ALG13: variants seen among roughly 807,000 people sequenced by gnomAD.
The protein encoded by ALG13 is UDP-N-acetylglucosamine transferase subunit ALG13.
ALG13 carries 11 observed loss-of-function variants against 87.8 expected under a neutral mutation model. The ratio of observed to expected loss-of-function variants is 0.13; its 90% confidence interval spans 0.08 to 0.21. ALG13 has a LOEUF of 0.21. Ranked by LOEUF, ALG13 falls within the 10% of genes least tolerant of loss-of-function variation. The pLI, the probability that ALG13 is intolerant of heterozygous loss-of-function variation, is 1.00. For synonymous variants in ALG13, 320 were observed against 306.3 expected (o/e 1.04, Z -0.47); for missense variants, 756 against 866.1 (o/e 0.87, Z 1.60).
At chrX:111,710,599 C>G (rs188349390) in intron 5 of ALG13, among the ~76,000 whole-genome samples, 155 of 111,883 alleles carry the variant, frequency 1.4e-3, no homozygotes, top group African/African-American at 4.7e-3. Flanking sequence ...AGGGTACTTA[C>G]GGAAGTGATA....
intron 3 of ALG13, among the ~76,000 whole-genome samples, chrX:111,694,517 A>T (rs917149274): frequency 1.1e-4 from 12 of 112,238 alleles, no homozygotes; most frequent in African/African-American, 3.9e-4. Context: ...ACTAAATGGA[A>T]TTTTTTATTT....
chrX:111,756,362 TAACA>T (rs779702967), intron 25 of ALG13, among the ~76,000 whole-genome samples: 8 of 111,772 alleles, frequency 7.2e-5, no homozygotes, highest in Non-Finnish European at 1.3e-4. Flanking sequence ...TATACCCATG[TAACA>T]AACCTGCATG....
chrX:111,759,948 C>T lies in ALG13; in HGVS notation c.3363C>T (p.Gly1121=). 1 of 1,210,743 alleles carries T rather than the reference C, an allele frequency of 8.3e-7. No homozygotes were observed. The highest frequency in any genetic ancestry group is 1.7e-5 in the African/African-American group (1 of 57,725). The part of the protein sequence containing the change: ...IHGAINPGPI[G]CIAPSPPASH... Reference sequence around the variant, plus strand: ...GTGCTATAAATCCTGGGCCAATTGGCTGTATTGCTCCATCTCCCCCAGCTT... The same window carrying T: ...GTGCTATAAATCCTGGGCCAATTGGTTGTATTGCTCCATCTCCCCCAGCTT... Residue 1121 remains glycine (G), a synonymous_variant, in exon 27 of 27, where the codon GGC becomes GGT. Transcript: ENST00000394780.
intron 22 of ALG13, 31 bp from the exon 23 acceptor site, chrX:111,736,683 A>T: frequency 8.4e-7 from 1 of 1,186,934 alleles, no homozygotes; most frequent in Non-Finnish European, 1.1e-6. Flanking sequence ...AACCAAACTT[A>T]AGAGTTTTGA....
chrX:111,707,780 G>A (rs186720332), intron 3 of ALG13, among the ~76,000 whole-genome samples: 17 of 111,670 alleles, frequency 1.5e-4, no homozygotes, highest in African/African-American at 3.6e-4. Flanking sequence ...GAGCCTTATT[G>A]TAGTCCCTTT....
At chrX:111,746,513 C>A (rs752763018) in intron 24 of ALG13, among the ~76,000 whole-genome samples, 1 of 112,075 alleles carries the variant, frequency 8.9e-6, no homozygotes, top group South Asian at 3.7e-4. Flanking sequence ...CATTTGTTTT[C>A]ATGGCCGAGT....
At chrX:111,740,907 T>G (rs1943686972) in intron 23 of ALG13, among the ~76,000 whole-genome samples, 1 of 112,623 alleles carries the variant, frequency 8.9e-6, no homozygotes, top group African/African-American at 3.2e-5. Context: ...TGAACTATAC[T>G]ACTGAATAGC....
chrX:111,725,709 G>T (rs1002180921), intron 15 of ALG13, among the ~76,000 whole-genome samples: 1 of 111,415 alleles, frequency 9.0e-6, no homozygotes, highest in Non-Finnish European at 1.9e-5. Context: ...TCAAAATAGT[G>T]CATGTACCCC....
At chrX:111,750,849 A>T (rs1944668884) in intron 24 of ALG13, among the ~76,000 whole-genome samples, 1 of 108,087 alleles carries the variant, frequency 9.3e-6, no homozygotes, top group Admixed American at 1.0e-4. Context: ...TTGTATTTTT[A>T]GTAGAGATGG....
chrX:111,747,234 C>T (rs928222920), intron 24 of ALG13, among the ~76,000 whole-genome samples: 1 of 112,106 alleles, frequency 8.9e-6, no homozygotes, highest in Non-Finnish European at 1.9e-5. Context: ...TATTATTATT[C>T]ATCCCCCAAC....
At chrX:111,684,516 G>A (rs1934414303) in intron 2 of ALG13, among the ~76,000 whole-genome samples, 1 of 110,781 alleles carries the variant, frequency 9.0e-6, no homozygotes, top group Non-Finnish European at 1.9e-5. Context: ...GTAGAGACAA[G>A]GTCTCTCTAT....
In ALG13 at chrX:111,717,850, T is replaced by A. The variant is rs1189252877; in HGVS notation, c.1010T>A (p.Leu337Gln). Reference protein sequence around the residue: ...VTDNGYEDKILLCYSSSGHYD... With the variant: ...VTDNGYEDKIQLCYSSSGHYD... ...GTTCTGTGTGTTTTTCTTTAGATTC[T>A]ACTCTGCTACTCAAGTAGTGGTCAC... is the stretch of plus-strand genomic sequence containing the variant. Residue 337 changes from leucine (L) to glutamine (Q), a missense_variant, in exon 9 of 27, where the codon CTA (leucine) becomes CAA (glutamine). Around this residue, in one of 9 missense-constraint regions of ALG13, gnomAD observed 60 missense variants for 54.5 expected, o/e 1.10. Transcript: ENST00000394780. The A allele has an allele frequency of 3.2e-5, 38 of 1,185,007 alleles. No individual in the cohort carries two copies. Among genetic ancestry groups the A allele is most frequent in the Admixed American group, 4.5e-5 (2 of 44,102 alleles).
intron 3 of ALG13, chrX:111,687,874 T>A (rs981755628): frequency 8.8e-7 from 1 of 1,140,569 alleles, no homozygotes; most frequent in African/African-American, 1.8e-5. Context: ...ATATTTTTCT[T>A]CTTTTGTTTT....
Position 111,758,033 on chromosome X carries a change from A to G in ALG13, c.3148+271A>G, listed in dbSNP as rs545860569. On this transcript the variant is annotated intron_variant, in intron 26 of 26. Coordinates refer to ENST00000394780, the MANE Select transcript of ALG13 (RefSeq NM_001099922.3). The stretch of plus-strand genomic sequence containing the variant: ...ACCAGTGGTGGGTAAAACTGCTGAC[A>G]CCTAAGCACTAGTTGGTACTGACCC... 1.8e-4 allele frequency among the ~76,000 whole-genome samples: 20 copies of G among 111,474 alleles called. No homozygotes were observed. The South Asian group carries it at 7.3e-3, about 41-fold the overall frequency.
At chrX:111,755,599 C>G (rs1311859773) in intron 25 of ALG13, among the ~76,000 whole-genome samples, 1 of 112,445 alleles carries the variant, frequency 8.9e-6, no homozygotes, top group Non-Finnish European at 1.9e-5. Context: ...ACAACCCCAT[C>G]AAAAAGTGGG....
chrX:111,691,733 C>T (rs186888767), intron 3 of ALG13, among the ~76,000 whole-genome samples: 1 of 111,579 alleles, frequency 9.0e-6, no homozygotes, highest in Admixed American at 9.5e-5. Context: ...TAGCCACAGG[C>T]GTAACGGTAT....
chrX:111,713,167 C>A, intron 7 of ALG13, 58 bp from the exon 8 acceptor site: 1 of 754,921 alleles, frequency 1.3e-6, no homozygotes. Context: ...GTTCCTATAA[C>A]TATCTCTTAC....
chrX:111,710,775 T>C (rs1260481088), intron 5 of ALG13, among the ~76,000 whole-genome samples: 7 of 112,085 alleles, frequency 6.2e-5, no homozygotes, highest in East Asian at 2.8e-4. Flanking sequence ...CGGCTCACTG[T>C]AAGCTCCGCC....
chrX:111,747,559 T>C (rs967175366), intron 24 of ALG13, among the ~76,000 whole-genome samples: 9 of 111,465 alleles, frequency 8.1e-5, no homozygotes, highest in Non-Finnish European at 1.3e-4. Context: ...TGATCTCAGC[T>C]CATTGCAACC....
Sources: gnomAD v4.1 joint callset for allele counts (sites outside exome capture counted in the v4.1 genomes callset) on GRCh38, gnomAD v4.1.1 for gene constraint, gnomAD v4.1.1 regional missense constraint, MANE v1.5 for transcripts, NCBI Gene and HGNC (gene_info 2026-07-23, HGNC 2026-07-21) for gene names.